The following USP46 variants were observed in gnomAD, a reference collection of about 807,000 sequenced individuals.
USP46 encodes the protein ubiquitin carboxyl-terminal hydrolase 46.
In USP46, 12 loss-of-function variants were observed where a neutral mutation model predicts 44.4. The ratio of observed to expected loss-of-function variants is 0.27; its 90% CI spans 0.17 to 0.44. The LOEUF (loss-of-function observed/expected upper bound fraction) is 0.44. Ranked by LOEUF, USP46 falls within the 20% of genes least tolerant of loss-of-function variation. The probability of loss-of-function intolerance (pLI) is 1.00; values close to 1 mark genes in which losing one functional copy is unlikely to be tolerated. For missense variants in USP46, 248 were observed against 444.8 expected, an observed-to-expected ratio of 0.56 and a Z score of 3.98; for synonymous variants, 155 against 161.5, an observed-to-expected ratio of 0.96 and a Z score of 0.31.
chr4:52,651,423 AT>A (rs1577700278), intron 1 of USP46, among the ~76,000 whole-genome samples: 1 of 152,164 alleles, frequency 6.6e-6, no homozygotes, highest in Admixed American at 6.5e-5. Flanking sequence ...GAGAATGCAC[AT>A]GTGGGAACCA....
intron 1 of USP46, among the ~76,000 whole-genome samples, chr4:52,640,990 C>T (rs189177075): frequency 2.1e-3 from 319 of 151,636 alleles, no homozygotes; most frequent in Non-Finnish European, 3.1e-3. Flanking sequence ...GTGGCCTTAA[C>T]TTCCTGGCTG....
At chr4:52,632,984 G>GAAAGAAAGAAAGA (rs1175060206) in intron 1 of USP46, among the ~76,000 whole-genome samples, 1 of 52,536 alleles carries the variant, frequency 1.9e-5, no homozygotes, top group Non-Finnish European at 4.3e-5. Context: ...AAGAAAGAAA[G>GAAAGAAAGAAAGA]AAAAGAAAAG....
chr4:52,657,604 G>A (rs1560416989), intron 1 of USP46, among the ~76,000 whole-genome samples: 1 of 152,200 alleles, frequency 6.6e-6, no homozygotes, highest in African/African-American at 2.4e-5. Context: ...CTCAGGAACT[G>A]GTCGTAGGAG....
chr4:52,628,111 C>A lies in USP46; in HGVS notation c.170G>T (p.Arg57Leu), dbSNP rs372406140. 6.2e-7 allele frequency: 1 copy of A among 1,613,798 alleles called. No homozygotes were observed. Reference sequence around the variant, plus strand: ...TGCCAACACATTCTCCCGGAATGGACGGCAGAAGTACAATGCCTGAAGCAC... The same window carrying A: ...TGCCAACACATTCTCCCGGAATGGAAGGCAGAAGTACAATGCCTGAAGCAC... ...NSVLQALYFC[R>L]PFRENVLAYK... Residue 57 changes from arginine (R) to leucine (L), a missense_variant, in exon 3 of 9, where the codon CGT (arginine) becomes CTT (leucine). Transcript: ENST00000441222.
In USP46 at chr4:52,626,000, A is replaced by G. The variant is rs952516227; in HGVS notation, c.561+18T>C. 1.2e-6 allele frequency: 2 copies of G among 1,606,924 alleles called. No homozygotes were observed. The highest frequency in any genetic ancestry group is 1.7e-6 in the Non-Finnish European group (2 of 1,175,790). On this transcript the variant is annotated intron_variant, in intron 4 of 8. Transcript: ENST00000441222. ...AATATGAACATGCGAGCTACATAAG[A>G]GCTCCCCTAGTACTTACAGTTTCAC...
chr4:52,640,670 G>A (rs1360307154), intron 1 of USP46, among the ~76,000 whole-genome samples: 6 of 151,784 alleles, frequency 4.0e-5, no homozygotes, highest in Non-Finnish European at 8.8e-5. Flanking sequence ...GCCAGGCATG[G>A]TGGCACATGC....
At chr4:52,632,456 C>T (rs1577682998) in intron 1 of USP46, among the ~76,000 whole-genome samples, 2 of 152,282 alleles carry the variant, frequency 1.3e-5, no homozygotes, top group East Asian at 3.9e-4. Context: ...TCTACCTTCA[C>T]AGGCCATCAT....
At chr4:52,628,999 C>A (rs762210055) in intron 2 of USP46, among the ~76,000 whole-genome samples, 1 of 152,180 alleles carries the variant, frequency 6.6e-6, no homozygotes, top group Non-Finnish European at 1.5e-5. Context: ...TAGAAGAACA[C>A]AGCTGAGACT....
intron 1 of USP46, among the ~76,000 whole-genome samples, chr4:52,648,382 A>C (rs778331185): frequency 3.9e-5 from 6 of 152,216 alleles, no homozygotes; most frequent in Non-Finnish European, 7.3e-5. Context: ...TGTAGCAATA[A>C]TGTTTTTGAA....
At chr4:52,620,824 C>T (rs1047606424) in intron 4 of USP46, among the ~76,000 whole-genome samples, 1 of 152,236 alleles carries the variant, frequency 6.6e-6, no homozygotes, top group Non-Finnish European at 1.5e-5. Flanking sequence ...TATTAAAATG[C>T]TCATAGCTGC....
chr4:52,631,104 T>A lies in USP46; in HGVS notation c.77A>T (p.Glu26Val). 1 of 1,567,922 alleles carries A rather than the reference T, an allele frequency of 6.4e-7. No individual in the cohort carries two copies. The highest frequency in any genetic ancestry group is 8.7e-7 in the Non-Finnish European group (1 of 1,154,390). ...ASALEKDIGP[E>V]QFPINEHYFG... ...ATAGTGTTCATTGATTGGAAACTGC[T>A]CTGGACCAATGTCTTTTTCCAGAGC... The change falls in exon 2 of 9, where the codon GAG (glutamate) becomes GTG (valine). Residue 26 changes from glutamate to valine, a missense_variant. By Grantham distance (121) the Glu-to-Val change is moderately radical. This residue lies in a region of USP46 where 31 missense variants were observed against 32.5 expected (regional missense o/e 0.96). Transcript: ENST00000441222.
At chr4:52,646,605 GTTT>G (rs35243560) in intron 1 of USP46, among the ~76,000 whole-genome samples, 1,788 of 151,988 alleles carry the variant, frequency 0.012, 27 homozygotes, top group East Asian at 0.051. Context: ...TTCTCTTTGG[GTTT>G]TTTTAATTCC....
intron 4 of USP46, among the ~76,000 whole-genome samples, chr4:52,624,983 T>C (rs1467169600): frequency 6.6e-6 from 1 of 152,208 alleles, no homozygotes; most frequent in Non-Finnish European, 1.5e-5. Context: ...GATTGCGTTG[T>C]AGCAGACCAG....
chr4:52,655,274 C>T (rs1196576944), intron 1 of USP46: 1 of 152,180 alleles, frequency 6.6e-6, no homozygotes, highest in Non-Finnish European at 1.5e-5. Context: ...ACAGCTGAGC[C>T]CCTTGGGGAC....
At chr4:52,612,187 T>C (rs1461218494) in intron 4 of USP46, among the ~76,000 whole-genome samples, 2 of 152,228 alleles carry the variant, frequency 1.3e-5, no homozygotes, top group African/African-American at 2.4e-5. Context: ...GCTTTCTACA[T>C]TGTGGTTATC....
intron 1 of USP46, chr4:52,658,370 C>G: frequency 9.3e-6 from 4 of 431,424 alleles, no homozygotes; most frequent in Non-Finnish European, 1.9e-5. Flanking sequence ...CCAGTGATGT[C>G]CCTGGCTGTA....
intron 4 of USP46, among the ~76,000 whole-genome samples, chr4:52,612,918 C>T (rs2109610550): frequency 6.6e-6 from 1 of 152,260 alleles, no homozygotes; most frequent in Non-Finnish European, 1.5e-5. Flanking sequence ...GTCTGTCTCC[C>T]CCTCGCTAAA....
intron 1 of USP46, among the ~76,000 whole-genome samples, chr4:52,651,314 A>G (rs1718764432): frequency 6.6e-6 from 1 of 152,058 alleles, no homozygotes; most frequent in African/African-American, 2.4e-5. Flanking sequence ...TAGAAGGAGG[A>G]GGGAACACTA....
At position 52,632,918 on chromosome 4, in the gene USP46, GAGAAAGAA is replaced by G. The variant is rs58983073; in HGVS notation, c.37-1782_37-1775del. Among the ~76,000 whole-genome samples the G allele has an allele frequency of 7.0e-3, 248 of 35,182 alleles. 1 individual carries two copies. Among genetic ancestry groups the G allele is most frequent in the Admixed American group, 0.016 (42 of 2,652 alleles). 23.1% of individuals were successfully genotyped at this position (35,182 alleles called of 152,430 possible). A position where few individuals can be genotyped will look rare whatever the true frequency, so the allele number is the denominator to read the frequency against. On this transcript the variant is annotated intron_variant, in intron 1 of 8. Coordinates refer to ENST00000441222, the MANE Select transcript of USP46 (RefSeq NM_022832.4). ...AGGAAGGGAAAGAGAAAGAAAGAAA[GAGAAAGAA>G]AGAAAGAAAGAAAGAAAGAAAGAAA...
Sources: allele counts gnomAD v4.1 joint callset (sites outside exome capture counted in the v4.1 genomes callset), GRCh38; gene constraint gnomAD v4.1.1; regional missense constraint gnomAD v4.1.1; transcripts MANE v1.5; gene names NCBI Gene and HGNC (gene_info 2026-07-23, HGNC 2026-07-21).